Variants in SPOCK3 observed in about 807,000 individuals in gnomAD.
The protein encoded by SPOCK3 is testican-3.
SPOCK3 carries 30 observed loss-of-function variants against 56.6 expected under a neutral mutation model. The ratio of observed to expected loss-of-function variants is 0.53; its 90% CI spans 0.40 to 0.72. SPOCK3 has a LOEUF of 0.72. Among genes scored for constraint, SPOCK3 ranks in the 30% least tolerant of loss-of-function variants. SPOCK3 has a pLI of 0.00. For missense variants in SPOCK3, 527 were observed against 530.0 expected (o/e 0.99, Z 0.06); for synonymous variants, 196 against 183.3 (o/e 1.07, Z -0.56).
At chr4:166,972,487 C>G (rs1349356975) in intron 4 of SPOCK3, among the ~76,000 whole-genome samples, 7 of 151,314 alleles carry the variant, frequency 4.6e-5, no homozygotes, top group African/African-American at 1.7e-4. Flanking sequence ...ACATCACCCA[C>G]TTTTTAAAAC....
At chr4:166,896,119 T>C (rs1735356316) in intron 5 of SPOCK3, among the ~76,000 whole-genome samples, 1 of 152,004 alleles carries the variant, frequency 6.6e-6, no homozygotes, top group Admixed American at 6.6e-5. Flanking sequence ...AAAGTGAGTA[T>C]AAAAAGGAAG....
intron 2 of SPOCK3, among the ~76,000 whole-genome samples, chr4:167,127,313 C>A (rs1458287645): frequency 6.6e-6 from 1 of 151,792 alleles, no homozygotes; most frequent in African/African-American, 2.4e-5. Context: ...TTCTTCTGTA[C>A]TTAGTTGTAT....
In SPOCK3 at chr4:166,996,790, T is replaced by C. The variant is rs529455968; in HGVS notation, c.350+3559A>G. ...ACACCATCCTTTACACCGGCAGTGGTGGTCAAAACTAGACTAAAACTATGA... is the reference window on the plus strand; with the variant it reads ...ACACCATCCTTTACACCGGCAGTGGCGGTCAAAACTAGACTAAAACTATGA... On this transcript the variant is annotated intron_variant, in intron 4 of 10. Coordinates refer to ENST00000357545, the MANE Select transcript of SPOCK3 (RefSeq NM_001040159.2). 1.2e-3 allele frequency among the ~76,000 whole-genome samples: 188 copies of C among 152,234 alleles called. 1 individual carries two copies. Among genetic ancestry groups the C allele is most frequent in the African/African-American group, 4.3e-3 (180 of 41,568 alleles).
chr4:167,171,974 A>G (rs1730541809), intron 2 of SPOCK3, among the ~76,000 whole-genome samples: 2 of 152,250 alleles, frequency 1.3e-5, no homozygotes, highest in South Asian at 4.1e-4. Flanking sequence ...TAAAGAGGAT[A>G]CTGCATAAAG....
At chr4:167,230,534 A>T (rs2111172878) in intron 2 of SPOCK3, among the ~76,000 whole-genome samples, 1 of 149,390 alleles carries the variant, frequency 6.7e-6, no homozygotes, top group East Asian at 2.0e-4. Flanking sequence ...GCATGTAACC[A>T]GTATATCTAC....
chr4:167,083,220 A>G (rs755896656), intron 2 of SPOCK3: 11 of 765,200 alleles, frequency 1.4e-5, no homozygotes, highest in Non-Finnish European at 2.6e-5. Context: ...TTCTGTCGAC[A>G]CCCAACCCAA....
At chr4:167,175,682 T>C (rs894300661) in intron 2 of SPOCK3, among the ~76,000 whole-genome samples, 2 of 152,092 alleles carry the variant, frequency 1.3e-5, no homozygotes, top group Non-Finnish European at 2.9e-5. Flanking sequence ...CAGGCATCTA[T>C]GAGCTAAACA....
chr4:167,090,525 CAG>C (rs1254897105), intron 2 of SPOCK3, among the ~76,000 whole-genome samples: 5 of 150,664 alleles, frequency 3.3e-5, no homozygotes, highest in Non-Finnish European at 5.9e-5. Context: ...TTTTTTGAGA[CAG>C]AGTTTTGCTC....
chr4:167,199,902 T>TA (rs1013966948), intron 2 of SPOCK3, among the ~76,000 whole-genome samples: 54 of 149,162 alleles, frequency 3.6e-4, no homozygotes, highest in African/African-American at 9.3e-4. Context: ...TACAAATAAA[T>TA]AAAAAAATAT....
At chr4:167,192,108 T>G (rs1279752367) in intron 2 of SPOCK3, among the ~76,000 whole-genome samples, 1 of 146,130 alleles carries the variant, frequency 6.8e-6, no homozygotes, top group African/African-American at 2.6e-5. Context: ...GTTGAACAAT[T>G]TTTGCATTCC....
chr4:166,921,562 C>T (rs1292192324), intron 4 of SPOCK3, among the ~76,000 whole-genome samples: 1 of 152,036 alleles, frequency 6.6e-6, no homozygotes, highest in Non-Finnish European at 1.5e-5. Context: ...GTGATCCGCC[C>T]GCCTTGGCCT....
intron 6 of SPOCK3, among the ~76,000 whole-genome samples, chr4:166,866,664 T>C (rs545540431): frequency 3.1e-4 from 47 of 151,762 alleles, no homozygotes; most frequent in Non-Finnish European, 6.0e-4. Flanking sequence ...AGATGGAGTA[T>C]AGTATTAACT....
rs549629784 is a variant in SPOCK3, at chr4:166,887,722, C to T, written c.589+1408G>A. Among the ~76,000 whole-genome samples the T allele has an allele frequency of 3.3e-5, 5 of 152,028 alleles. No individual in the cohort carries two copies. The East Asian group carries it at 9.7e-4, about 29-fold the overall frequency. The stretch of plus-strand genomic sequence containing the variant: ...CTGGGGCATGTCAGCAAGGATGAGG[C>T]TTAAAGAACAGGGCTCCTGGGCAAC... On this transcript the variant is annotated intron_variant, in intron 6 of 10. Coordinates refer to ENST00000357545, the MANE Select transcript of SPOCK3 (RefSeq NM_001040159.2).
At position 166,869,778 on chromosome 4, in the gene SPOCK3, G is replaced by A. The variant is rs764140921; in HGVS notation, c.589+19352C>T. Among the ~76,000 whole-genome samples, 215 of 152,126 alleles carry A rather than the reference G, an allele frequency of 1.4e-3. 1 individual carries two copies. Among genetic ancestry groups the A allele is most frequent in the Admixed American group, 9.8e-4 (15 of 15,256 alleles). Reference sequence around the variant, plus strand: ...CCCTTCAGATAACTGATATTATAGGGCAAATCATCACACGAAATCTGGAGA... The same window carrying A: ...CCCTTCAGATAACTGATATTATAGGACAAATCATCACACGAAATCTGGAGA... On this transcript the variant is annotated intron_variant, in intron 6 of 10. Coordinates refer to ENST00000357545, the MANE Select transcript of SPOCK3 (RefSeq NM_001040159.2).
intron 8 of SPOCK3, among the ~76,000 whole-genome samples, chr4:166,748,028 A>G (rs975237953): frequency 1.4e-4 from 22 of 152,200 alleles, no homozygotes; most frequent in Non-Finnish European, 2.2e-4. Flanking sequence ...CATGGATAGG[A>G]AGAATCAATA....
At chr4:166,784,020 A>G (rs1740469900) in intron 7 of SPOCK3, among the ~76,000 whole-genome samples, 1 of 152,028 alleles carries the variant, frequency 6.6e-6, no homozygotes, top group Admixed American at 6.6e-5. Context: ...AGTTCAGATG[A>G]CTGGCTAAAA....
At chr4:166,772,340 AT>A (rs1453718034) in intron 7 of SPOCK3, among the ~76,000 whole-genome samples, 1 of 152,042 alleles carries the variant, frequency 6.6e-6, no homozygotes, top group Non-Finnish European at 1.5e-5. Context: ...CATTTTTTCT[AT>A]TATGTTATTC....
At chr4:167,202,827 A>T (rs1256152649) in intron 2 of SPOCK3, among the ~76,000 whole-genome samples, 1 of 151,724 alleles carries the variant, frequency 6.6e-6, no homozygotes, top group Non-Finnish European at 1.5e-5. Flanking sequence ...ACCAGATGTC[A>T]GCAATATTAA....
chr4:167,207,960 T>C (rs1225676915), intron 2 of SPOCK3, among the ~76,000 whole-genome samples: 1 of 152,162 alleles, frequency 6.6e-6, no homozygotes, highest in Non-Finnish European at 1.5e-5. Flanking sequence ...CGCATTTTAA[T>C]GCTAAGCCAA....
Sources: gnomAD v4.1 joint callset for allele counts (sites outside exome capture counted in the v4.1 genomes callset) on GRCh38, gnomAD v4.1.1 for gene constraint, MANE v1.5 for transcripts, NCBI Gene and HGNC (gene_info 2026-07-23, HGNC 2026-07-21) for gene names.